DEAF1: variants seen among roughly 807,000 people sequenced by gnomAD.
DEAF1 encodes DEAF1 transcription factor, also known as deformed epidermal autoregulatory factor 1 homolog.
DEAF1 carries 53 observed loss-of-function variants against 58.9 expected under a neutral mutation model. That is an observed-to-expected ratio of 0.90 (90% CI 0.72 to 1.13). The LOEUF (loss-of-function observed/expected upper bound fraction) is 1.13. Ranked by LOEUF, DEAF1 falls within the 50% of genes most tolerant of loss-of-function variation. The probability of loss-of-function intolerance (pLI) is 0.00; values close to 1 mark genes in which losing one functional copy is unlikely to be tolerated. For missense variants in DEAF1, 685 were observed against 791.4 expected, an observed-to-expected ratio of 0.87 and a Z score of 1.61; for synonymous variants, 385 against 340.4, an observed-to-expected ratio of 1.13 and a Z score of -1.44.
At chr11:695,937 C>G, upstream of DEAF1, 1 of 1,003,324 alleles carries the variant, frequency 1.0e-6, no homozygotes, top group Admixed American at 4.3e-5. Context: ...TTTCGGTGCG[C>G]TCACGGGGCC....
chr11:684,835 G>T lies in DEAF1; in HGVS notation c.870+63C>A, dbSNP rs557854316. The T allele has an allele frequency of 5.7e-4, 804 of 1,417,158 alleles. 16 individuals are homozygous for T. In the Middle Eastern group the frequency reaches 0.028, roughly 49 times the overall value. The allele number at this position is 1,417,158 out of a possible 1,614,324, so 87.8% of individuals were successfully genotyped here. A position where few individuals can be genotyped will look rare whatever the true frequency, so the allele number is the denominator to read the frequency against. ...AACAGCCGAGAGGCCAAGGGCTGTG[G>T]GACCCACTCAGCCGCCCCCAGCCCC... On this transcript the variant is annotated intron_variant, in intron 6 of 11. Coordinates refer to ENST00000382409, the MANE Select transcript of DEAF1 (RefSeq NM_021008.4).
In DEAF1 at chr11:690,958, C is replaced by A. The variant is rs1331243062; in HGVS notation, c.387+543G>T. Among the ~76,000 whole-genome samples the A allele has an allele frequency of 4.6e-5, 7 of 152,206 alleles. No homozygotes were observed. The South Asian group carries it at 6.2e-4, about 13-fold the overall frequency. On this transcript the variant is annotated intron_variant, in intron 2 of 11. Transcript: ENST00000382409. The stretch of plus-strand genomic sequence containing the variant: ...GATGTCCCCAGATCGCCGAAGGCCC[C>A]ACACATAAAACATAAAATAAGCTGA...
At chr11:674,461 C>G in intron 10 of DEAF1, 75 bp downstream of exon 10, 1 of 1,607,584 alleles carries the variant, frequency 6.2e-7, no homozygotes, top group East Asian at 2.2e-5. Context: ...GGGGCTTGCG[C>G]AGCTGGGCAC....
chr11:689,522 C>T (rs1305990774), intron 2 of DEAF1: 3 of 152,004 alleles, frequency 2.0e-5, no homozygotes, highest in Non-Finnish European at 2.9e-5. Flanking sequence ...ACAACTGTTT[C>T]CTACATCTGA....
chr11:667,589 G>A (rs186533326), intron 10 of DEAF1, among the ~76,000 whole-genome samples: 16 of 148,412 alleles, frequency 1.1e-4, no homozygotes, highest in Non-Finnish European at 1.9e-4. Flanking sequence ...ATCACCTGAG[G>A]TCGGTCAGGT....
At chr11:657,120 C>T (rs1457030927) in intron 10 of DEAF1, among the ~76,000 whole-genome samples, 1 of 152,110 alleles carries the variant, frequency 6.6e-6, no homozygotes, top group Non-Finnish European at 1.5e-5. Flanking sequence ...CCACCTGGCA[C>T]CCACCTGGCA....
At chr11:656,140 T>C (rs1401096153) in intron 10 of DEAF1, among the ~76,000 whole-genome samples, 1 of 141,668 alleles carries the variant, frequency 7.1e-6, no homozygotes, top group Non-Finnish European at 1.5e-5. Flanking sequence ...GGCCTGTGCC[T>C]CTACTTTAAA....
chr11:680,994 G>A lies in DEAF1; in HGVS notation c.966C>T (p.Ile322=). The change falls in exon 7 of 12, where the codon ATC becomes ATT. Residue 322 remains isoleucine (I), a synonymous_variant. Coordinates refer to ENST00000382409, the MANE Select transcript of DEAF1 (RefSeq NM_021008.4). The part of the protein sequence containing the change: ...TPVKKDSPKN[I]TLLPATAATT... ...TAGCCGCGGTGGCTGGAAGCAATGT[G>A]ATGTTCTTGGGGGAGTCCTTCTTCA... is the stretch of plus-strand genomic sequence containing the variant. The A allele has an allele frequency of 6.2e-7, 1 of 1,614,198 alleles. No homozygotes were observed. Among genetic ancestry groups the A allele is most frequent in the Non-Finnish European group, 8.5e-7 (1 of 1,180,036 alleles).
chr11:694,989 G>C lies in DEAF1; in HGVS notation c.59C>G (p.Ala20Gly). 8.8e-7 allele frequency: 1 copy of C among 1,142,110 alleles called. No individual in the cohort carries two copies. Among genetic ancestry groups the C allele is most frequent in the Non-Finnish European group, 1.1e-6 (1 of 931,204 alleles). The allele number at this position is 1,142,110 out of a possible 1,614,324, so 70.7% of individuals were successfully genotyped here. The change falls in exon 1 of 12, where the codon GCG becomes GGG. Residue 20 changes from alanine to glycine, a missense_variant. Coordinates refer to ENST00000382409, the MANE Select transcript of DEAF1 (RefSeq NM_021008.4). ...CGCCGCCGCCACAGCGGCCGCGGCCGCCACCGCCGCCGCCTCAGCCAGGCC... is the reference window on the plus strand; with the variant it reads ...CGCCGCCGCCACAGCGGCCGCGGCCCCCACCGCCGCCGCCTCAGCCAGGCC... ...QLGLAEAAAVAAAAAVAAAAA... is the reference protein window; with the variant it reads ...QLGLAEAAAVGAAAAVAAAAA...
At chr11:677,100 A>G (rs1860116874) in intron 9 of DEAF1, among the ~76,000 whole-genome samples, 2 of 151,796 alleles carry the variant, frequency 1.3e-5, no homozygotes, top group East Asian at 1.9e-4. Context: ...TCTTGGTATA[A>G]ATACTTCACC....
chr11:648,458 G>A (rs920894284), intron 11 of DEAF1, among the ~76,000 whole-genome samples: 4 of 152,164 alleles, frequency 2.6e-5, no homozygotes, highest in Non-Finnish European at 5.9e-5. Flanking sequence ...GCCTCCCAAA[G>A]TGCTGGGATT....
At chr11:668,415 A>G (rs1243514482) in intron 10 of DEAF1, among the ~76,000 whole-genome samples, 4 of 152,144 alleles carry the variant, frequency 2.6e-5, no homozygotes, top group African/African-American at 7.2e-5. Flanking sequence ...CATAAAACAC[A>G]TCTTTTTGTT....
chr11:660,919 C>T (rs1031442647), intron 10 of DEAF1, among the ~76,000 whole-genome samples: 4 of 152,332 alleles, frequency 2.6e-5, no homozygotes, highest in South Asian at 4.1e-4. Flanking sequence ...CGCAGGGAAG[C>T]GGCTGCTCTG....
rs545427843 is a variant in DEAF1 at position 680,905 on chromosome 11, A to G, written c.997+58T>C. On this transcript the variant is annotated intron_variant, in intron 7 of 11. Coordinates refer to ENST00000382409, the MANE Select transcript of DEAF1 (RefSeq NM_021008.4). ...CAGTGGCCGTGGGAGTGGTGACGAG[A>G]GAAGGCAATGCACTCAGGTCCCCTC... 1,256 of 1,612,822 alleles carry G rather than the reference A, an allele frequency of 7.8e-4. 1 individual carries two copies. The highest frequency in any genetic ancestry group is 9.0e-4 in the Non-Finnish European group (1,063 of 1,179,094).
At chr11:686,303 A>C (rs1252100839) in intron 5 of DEAF1, among the ~76,000 whole-genome samples, 6 of 150,964 alleles carry the variant, frequency 4.0e-5, no homozygotes, top group East Asian at 1.9e-4. Flanking sequence ...AAAAAAAAAA[A>C]AAAAAACCAC....
intron 6 of DEAF1, among the ~76,000 whole-genome samples, chr11:684,055 T>C (rs774355856): frequency 3.3e-5 from 5 of 152,244 alleles, no homozygotes; most frequent in Non-Finnish European, 7.3e-5. Flanking sequence ...ATGAAATCTA[T>C]ATATCAACTA....
chr11:656,257 G>C (rs1422800138), intron 10 of DEAF1, among the ~76,000 whole-genome samples: 1 of 151,622 alleles, frequency 6.6e-6, no homozygotes, highest in East Asian at 1.9e-4. Flanking sequence ...CCAGATTCGA[G>C]CAATGCTTCC....
rs55670454 is a variant in DEAF1, at chr11:685,082, C to CTTTTT, written c.805-124_805-120dup. 480 of 357,310 alleles carry CTTTTT rather than the reference C, an allele frequency of 1.3e-3. 7 individuals carry two copies. Among genetic ancestry groups the CTTTTT allele is most frequent in the East Asian group, 3.5e-3 (45 of 13,000 alleles). 22.1% of individuals were successfully genotyped at this position (357,310 alleles called of 1,614,324 possible). Reference sequence around the variant, plus strand: ...CCTACCATTCATAAATATAAAAATTCTTTTTTTTTTTTTTTTTTTTGAGAC... The same window carrying CTTTTT: ...CCTACCATTCATAAATATAAAAATTCTTTTTTTTTTTTTTTTTTTTTTTTTGAGAC... On this transcript the variant is annotated intron_variant, in intron 5 of 11. Coordinates refer to ENST00000382409, the MANE Select transcript of DEAF1 (RefSeq NM_021008.4).
intron 11 of DEAF1, among the ~76,000 whole-genome samples, chr11:649,887 G>A (rs1350444816): frequency 6.6e-6 from 1 of 151,686 alleles, no homozygotes; most frequent in African/African-American, 2.4e-5. Flanking sequence ...TTAGTTGGAC[G>A]TGGTGGCTCA....
Sources: gnomAD v4.1 joint callset for allele counts (sites outside exome capture counted in the v4.1 genomes callset) on GRCh38, gnomAD v4.1.1 for gene constraint, MANE v1.5 for transcripts, NCBI Gene and HGNC (gene_info 2026-07-23, HGNC 2026-07-21) for gene names.